Variants in SSH2 observed in about 807,000 individuals in gnomAD.
The protein encoded by SSH2 is slingshot protein phosphatase 2.
A neutral mutation model predicts 135.2 loss-of-function variants in SSH2; 37 were observed. The ratio of observed to expected loss-of-function variants is 0.27; its 90% confidence interval spans 0.21 to 0.36. The LOEUF (loss-of-function observed/expected upper bound fraction) is 0.36. SSH2 is among the 10% of genes least tolerant of loss of function. SSH2 has a pLI of 1.00. For synonymous variants in SSH2, 628 were observed against 646.2 expected (o/e 0.97, Z 0.43); for missense variants, 1,408 against 1,765.3 (o/e 0.80, Z 3.63).
intron 14 of SSH2, among the ~76,000 whole-genome samples, chr17:29,637,249 C>T (rs3110493): frequency 0.34 from 51,025 of 151,992 alleles, 10,410 homozygotes; most frequent in East Asian, 0.68. Context: ...CAGGAACATG[C>T]CACCATGCCT....
Position 29,631,654 on chromosome 17 carries a change from G to A in SSH2, c.3540C>T (p.Pro1180=), listed in dbSNP as rs759903302. 210 of 1,614,090 alleles carry A rather than the reference G, an allele frequency of 1.3e-4. 11 individuals are homozygous for A. Among genetic ancestry groups the A allele is most frequent in the Non-Finnish European group, 7.5e-5 (89 of 1,180,044 alleles). ...FTEQSSTTDE[P]SAEQVSWEES... ...CTTCCCAGCTAACCTGTTCTGCAGA[G>A]GGCTCATCTGTAGTGCTGCTCTGCT... The change falls in exon 16 of 16, where the codon CCC becomes CCT. Residue 1180 remains proline, a synonymous_variant. Coordinates refer to ENST00000540801, the MANE Select transcript of SSH2 (RefSeq NM_001282129.2).
intron 6 of SSH2, among the ~76,000 whole-genome samples, chr17:29,683,391 A>C (rs2038065975): frequency 6.6e-6 from 1 of 152,210 alleles, no homozygotes; most frequent in African/African-American, 2.4e-5. Flanking sequence ...GTACAGCTAA[A>C]GCCAAAGGTA....
At chr17:29,642,721 G>T (rs2036214672) in intron 14 of SSH2, among the ~76,000 whole-genome samples, 1 of 152,166 alleles carries the variant, frequency 6.6e-6, no homozygotes, top group East Asian at 1.9e-4. Flanking sequence ...GGCTCTTAAT[G>T]ATATACTGGG....
chr17:29,699,867 A>G (rs2038908110), intron 4 of SSH2, among the ~76,000 whole-genome samples: 1 of 152,214 alleles, frequency 6.6e-6, no homozygotes, highest in South Asian at 2.1e-4. Flanking sequence ...GGTACTGGGC[A>G]CTGGGGAGGA....
intron 3 of SSH2, among the ~76,000 whole-genome samples, chr17:29,708,568 C>G (rs1030328050): frequency 7.5e-6 from 1 of 133,764 alleles, no homozygotes; most frequent in Non-Finnish European, 1.5e-5. Context: ...CCAGCCTGGA[C>G]GACAGAGGGG....
intron 3 of SSH2, among the ~76,000 whole-genome samples, chr17:29,725,214 G>C (rs1205948979): frequency 2.0e-5 from 3 of 151,602 alleles, no homozygotes; most frequent in Non-Finnish European, 2.9e-5. Context: ...GGGCATGGTG[G>C]TGCGTGCCTG....
intron 1 of SSH2, among the ~76,000 whole-genome samples, chr17:29,877,843 C>T (rs2066063148): frequency 6.6e-6 from 1 of 151,852 alleles, no homozygotes; most frequent in Non-Finnish European, 1.5e-5. Context: ...AATCCCAGCA[C>T]TTTGGGAATT....
At chr17:29,646,983 G>C (rs2036395293) in intron 14 of SSH2, among the ~76,000 whole-genome samples, 2 of 150,678 alleles carry the variant, frequency 1.3e-5, no homozygotes, top group East Asian at 2.0e-4. Flanking sequence ...TTTTTTTAAA[G>C]AGTCGGCCAG....
At chr17:29,737,259 C>T (rs1163407411) in intron 3 of SSH2, among the ~76,000 whole-genome samples, 3 of 152,076 alleles carry the variant, frequency 2.0e-5, no homozygotes, top group African/African-American at 2.4e-5. Context: ...AATGTCTACA[C>T]TTCCGTTTGT....
At chr17:29,763,133 C>T (rs1012650602) in intron 3 of SSH2, among the ~76,000 whole-genome samples, 3 of 152,150 alleles carry the variant, frequency 2.0e-5, no homozygotes, top group Admixed American at 2.0e-4. Flanking sequence ...CAGAATTACT[C>T]GTTAGTTGAT....
chr17:29,859,447 G>A (rs1415531465), intron 1 of SSH2, among the ~76,000 whole-genome samples: 1 of 151,876 alleles, frequency 6.6e-6, no homozygotes, highest in African/African-American at 2.4e-5. Flanking sequence ...CTCCTTCTTT[G>A]CACCCTCCAC....
chr17:29,709,794 G>T (rs2039370589), intron 3 of SSH2, among the ~76,000 whole-genome samples: 1 of 152,150 alleles, frequency 6.6e-6, no homozygotes, highest in Non-Finnish European at 1.5e-5. Context: ...AGACTACACT[G>T]AGGGGAATAA....
At chr17:29,813,889 T>G (rs1297749107) in intron 2 of SSH2, among the ~76,000 whole-genome samples, 3 of 151,546 alleles carry the variant, frequency 2.0e-5, no homozygotes, top group Admixed American at 2.0e-4. Flanking sequence ...CCCAGCACTT[T>G]GGGAGGCCGA....
Position 29,654,896 on chromosome 17 carries a change from C to T in SSH2, c.1079+665G>A, listed in dbSNP as rs2036720578. On this transcript the variant is annotated intron_variant, in intron 12 of 15. Coordinates refer to ENST00000540801, the MANE Select transcript of SSH2 (RefSeq NM_001282129.2). The stretch of plus-strand genomic sequence containing the variant: ...TTATCTGTGGATCCCCAGCACCTAG[C>T]ACTTTGTCCCACAGAAGACGCTCAA... 2.0e-5 allele frequency among the ~76,000 whole-genome samples: 3 copies of T among 152,298 alleles called. No homozygotes were observed. The South Asian group carries it at 6.2e-4, about 32-fold the overall frequency.
rs926603773 is a variant in SSH2 at position 29,632,289 on chromosome 17, C to G, written c.2905G>C (p.Ala969Pro). ...TGCTCAGAATGGGACAGTGAGCCAGCCTCAGACCCACTGTATTTCCCTTTG... is the reference window on the plus strand; with the variant it reads ...TGCTCAGAATGGGACAGTGAGCCAGGCTCAGACCCACTGTATTTCCCTTTG... ...KGKGKYSGSE[A>P]GSLSHSEQNA... Residue 969 changes from alanine to proline, a missense_variant, in exon 16 of 16, where the codon GCT (alanine) becomes CCT (proline). By Grantham distance (27) the Ala-to-Pro change is conservative (BLOSUM62 -1). Around this residue, in one of 3 missense-constraint regions of SSH2, gnomAD observed 1,080 missense variants for 1,144.5 expected, o/e 0.94. Transcript: ENST00000540801. 2 of 1,613,958 alleles carry G rather than the reference C, an allele frequency of 1.2e-6. No homozygotes were observed. The highest frequency in any genetic ancestry group is 1.3e-5 in the African/African-American group (1 of 74,908).
chr17:29,902,573 G>T (rs778053697), intron 1 of SSH2, among the ~76,000 whole-genome samples: 1 of 151,252 alleles, frequency 6.6e-6, no homozygotes, highest in South Asian at 2.1e-4. Flanking sequence ...CATTCTGGAG[G>T]TCAGTTTCTA....
chr17:29,857,171 C>T (rs1434555183), intron 1 of SSH2, among the ~76,000 whole-genome samples: 2 of 152,136 alleles, frequency 1.3e-5, no homozygotes, highest in Non-Finnish European at 2.9e-5. Flanking sequence ...CAAAGACATA[C>T]CCGAAACTGG....
chr17:29,892,989 AAC>A (rs2066377620), intron 1 of SSH2, among the ~76,000 whole-genome samples: 1 of 152,068 alleles, frequency 6.6e-6, no homozygotes, highest in African/African-American at 2.4e-5. Flanking sequence ...GTTTTAAAAG[AAC>A]AGTCTCTACT....
At chr17:29,765,626 A>T (rs2041425894) in intron 3 of SSH2, among the ~76,000 whole-genome samples, 1 of 152,172 alleles carries the variant, frequency 6.6e-6, no homozygotes, top group Non-Finnish European at 1.5e-5. Flanking sequence ...GAAGTTCCAG[A>T]TTCTAGCTGC....
Sources: allele counts gnomAD v4.1 joint callset (sites outside exome capture counted in the v4.1 genomes callset), GRCh38; gene constraint gnomAD v4.1.1; regional missense constraint gnomAD v4.1.1; transcripts MANE v1.5; gene names NCBI Gene and HGNC (gene_info 2026-07-23, HGNC 2026-07-21).